Variants in AFF3 observed in about 807,000 individuals in gnomAD.
AFF3 encodes ALF transcription elongation factor 3, also known as AF4/FMR2 family member 3.
A neutral mutation model predicts 129.7 loss-of-function variants in AFF3; 32 were observed. The ratio of observed to expected loss-of-function variants is 0.25; its 90% CI spans 0.19 to 0.33. The LOEUF is 0.33. Among genes scored for constraint, AFF3 ranks in the 10% least tolerant of loss-of-function variants. AFF3 has a pLI of 1.00. For synonymous variants in AFF3, 644 were observed against 635.4 expected, an observed-to-expected ratio of 1.01 and a Z score of -0.20; for missense variants, 1,373 against 1,592.0, an observed-to-expected ratio of 0.86 and a Z score of 2.34.
At chr2:99,644,356 T>C (rs1449450859) in intron 13 of AFF3, among the ~76,000 whole-genome samples, 1 of 151,438 alleles carries the variant, frequency 6.6e-6, no homozygotes, top group Non-Finnish European at 1.5e-5. Context: ...TTCCTCTCTC[T>C]TTTTTTTTAA....
chr2:100,006,991 G>C lies in AFF3; in HGVS notation c.514C>G (p.Leu172Val), dbSNP rs1449240047. 3 of 1,612,026 alleles carry C rather than the reference G, an allele frequency of 1.9e-6. No individual in the cohort carries two copies. Among genetic ancestry groups the C allele is most frequent in the African/African-American group, 1.3e-5 (1 of 74,904 alleles). Reference protein sequence around the residue: ...ATQQGSLRTLLGDGVGRQQPR... With the variant: ...ATQQGSLRTLVGDGVGRQQPR... ...TGCTGTCTGCCAACACCATCTCCAA[G>C]CAAGGTCCTGAGAGAGCCCTGTTGT... Residue 172 changes from leucine (L) to valine (V), a missense_variant, in exon 7 of 25, where the codon CTT (leucine) becomes GTT (valine). Transcript: ENST00000672756.
chr2:99,995,652 C>T (rs1441523282), intron 7 of AFF3, among the ~76,000 whole-genome samples: 1 of 152,072 alleles, frequency 6.6e-6, no homozygotes, highest in African/African-American at 2.4e-5. Context: ...GATTACACCA[C>T]GCCTGGCCCA....
chr2:100,033,409 C>T (rs1684669270), intron 4 of AFF3, among the ~76,000 whole-genome samples: 1 of 152,190 alleles, frequency 6.6e-6, no homozygotes, highest in Admixed American at 6.5e-5. Flanking sequence ...CTCATAAACA[C>T]AAATGTGGGA....
At chr2:99,937,368 T>C (rs1352689528) in intron 7 of AFF3, among the ~76,000 whole-genome samples, 1 of 152,064 alleles carries the variant, frequency 6.6e-6, no homozygotes, top group Non-Finnish European at 1.5e-5. Flanking sequence ...GAGCTATACA[T>C]ATAAAGGCCA....
intron 7 of AFF3, among the ~76,000 whole-genome samples, chr2:99,977,916 A>G (rs1212045069): frequency 6.6e-6 from 1 of 152,210 alleles, no homozygotes; most frequent in Admixed American, 6.5e-5. Context: ...GCTCCTCCAG[A>G]AAGAACTCCA....
chr2:100,042,232 G>A (rs947431793), intron 4 of AFF3, among the ~76,000 whole-genome samples: 2 of 152,154 alleles, frequency 1.3e-5, no homozygotes, highest in African/African-American at 2.4e-5. Flanking sequence ...TTAACTCTCC[G>A]ATCTCAGGTC....
At chr2:99,807,633 T>C (rs10199548) in intron 8 of AFF3, among the ~76,000 whole-genome samples, 132,811 of 152,192 alleles carry the variant, frequency 0.87, 58,016 homozygotes, top group South Asian at 0.93. Flanking sequence ...TCTGGTAAAA[T>C]AAGGCAGGCC....
chr2:99,928,946 C>T (rs1189370014), intron 7 of AFF3, among the ~76,000 whole-genome samples: 1 of 152,098 alleles, frequency 6.6e-6, no homozygotes, highest in Non-Finnish European at 1.5e-5. Flanking sequence ...ACTCACACAT[C>T]ACAGAAACAC....
chr2:100,078,960 TGAGACAGAGTCTCACTC>T (rs1688820460), intron 4 of AFF3, among the ~76,000 whole-genome samples: 2 of 149,304 alleles, frequency 1.3e-5, no homozygotes, highest in Non-Finnish European at 3.0e-5. Context: ...TTTTTTTTTT[TGAGACAGAGTCTCACTC>T]TGTTGCCTAG....
chr2:99,615,564 TG>T (rs1456785986), intron 13 of AFF3, among the ~76,000 whole-genome samples: 1 of 152,154 alleles, frequency 6.6e-6, no homozygotes, highest in East Asian at 1.9e-4. Flanking sequence ...GGCCCAGCCA[TG>T]AGAAAGCTGA....
intron 8 of AFF3, among the ~76,000 whole-genome samples, chr2:99,764,332 T>C (rs745660278): frequency 6.6e-6 from 1 of 152,112 alleles, no homozygotes; most frequent in Non-Finnish European, 1.5e-5. Flanking sequence ...ATTAGAACAT[T>C]GAGAAAAGTC....
intron 8 of AFF3, among the ~76,000 whole-genome samples, chr2:99,782,459 T>C (rs922062631): frequency 4.6e-5 from 7 of 152,236 alleles, no homozygotes; most frequent in African/African-American, 1.7e-4. Flanking sequence ...GCCTGAGCTG[T>C]GCTGCCGCCA....
chr2:99,882,832 A>C (rs947831231), intron 7 of AFF3, among the ~76,000 whole-genome samples: 1 of 152,236 alleles, frequency 6.6e-6, no homozygotes, highest in Non-Finnish European at 1.5e-5. Context: ...GCAATTTCCC[A>C]GTAATGCACA....
At chr2:99,802,693 CTTT>C (rs57516339) in intron 8 of AFF3, among the ~76,000 whole-genome samples, 4,360 of 122,546 alleles carry the variant, frequency 0.036, 76 homozygotes, top group Non-Finnish European at 0.048. Context: ...CCTAGGGTGT[CTTT>C]TTTTTTTTTT....
chr2:99,877,738 T>C (rs1463721696), intron 7 of AFF3, among the ~76,000 whole-genome samples: 1 of 152,252 alleles, frequency 6.6e-6, no homozygotes, highest in African/African-American at 2.4e-5. Flanking sequence ...TTGTTACTAG[T>C]ATGAAGGTTG....
chr2:99,766,183 A>G (rs999267017), intron 8 of AFF3, among the ~76,000 whole-genome samples: 1 of 152,256 alleles, frequency 6.6e-6, no homozygotes, highest in Non-Finnish European at 1.5e-5. Flanking sequence ...CCTGGAAACT[A>G]CTGGGGCCAG....
At chr2:99,868,628 G>A (rs529373598) in intron 7 of AFF3, among the ~76,000 whole-genome samples, 2 of 152,256 alleles carry the variant, frequency 1.3e-5, no homozygotes, top group African/African-American at 2.4e-5. Context: ...ATGATCCAGA[G>A]GCTTTTTGAG....
chr2:99,634,296 A>G (rs766051105), intron 13 of AFF3, among the ~76,000 whole-genome samples: 14 of 152,208 alleles, frequency 9.2e-5, no homozygotes, highest in Non-Finnish European at 1.6e-4. Flanking sequence ...CAGGTGAGGG[A>G]GAATGAAACC....
At chr2:100,026,114 C>T (rs1439771581) in intron 4 of AFF3, among the ~76,000 whole-genome samples, 2 of 152,262 alleles carry the variant, frequency 1.3e-5, no homozygotes, top group African/African-American at 2.4e-5. Flanking sequence ...AAACAGACAA[C>T]CCACAGAGTG....
Sources: gnomAD v4.1 joint callset for allele counts (sites outside exome capture counted in the v4.1 genomes callset) on GRCh38, gnomAD v4.1.1 for gene constraint, MANE v1.5 for transcripts, NCBI Gene and HGNC (gene_info 2026-07-23, HGNC 2026-07-21) for gene names.